Variants in C12orf42 observed in about 807,000 individuals in gnomAD.
C12orf42 encodes uncharacterized protein C12orf42.
In C12orf42, 25 loss-of-function variants were observed where a neutral mutation model predicts 21.6. The ratio of observed to expected loss-of-function variants is 1.16; its 90% CI spans 0.84 to 1.62. C12orf42 has a LOEUF of 1.62. Ranked by LOEUF, C12orf42 falls within the 40% of genes most tolerant of loss-of-function variation. The pLI is 0.00. For synonymous variants in C12orf42, 174 were observed against 175.0 expected (o/e 0.99, Z 0.05); for missense variants, 483 against 459.3 (o/e 1.05, Z -0.47).
chr12:103,172,738 A>G, the C12orf42 span, among the ~76,000 whole-genome samples: 4 of 152,160 alleles, frequency 2.6e-5, no homozygotes, highest in Non-Finnish European at 5.9e-5. Context: ...AATATTTCCA[A>G]CAGTTTCAGA....
At chr12:103,438,578 T>C (rs1170290330) in intron 2 of C12orf42, among the ~76,000 whole-genome samples, 1 of 152,056 alleles carries the variant, frequency 6.6e-6, no homozygotes, top group East Asian at 1.9e-4. Flanking sequence ...ACAAAATCAA[T>C]GTACAAAAAT....
chr12:103,391,454 A>C (rs138183877), intron 3 of C12orf42, among the ~76,000 whole-genome samples: 89 of 152,248 alleles, frequency 5.8e-4, no homozygotes, highest in African/African-American at 1.9e-3. Flanking sequence ...TTTAAATAAC[A>C]ACCATTATGA....
At chr12:103,496,249 G>T (rs1409974462), upstream of C12orf42, among the ~76,000 whole-genome samples, 1 of 152,134 alleles carries the variant, frequency 6.6e-6, no homozygotes, top group Non-Finnish European at 1.5e-5. Context: ...GGGTACTTCT[G>T]GAGGTAGTAA....
At chr12:103,134,617 G>A in the C12orf42 span, among the ~76,000 whole-genome samples, 61 of 152,142 alleles carry the variant, frequency 4.0e-4, 1 homozygote, top group Middle Eastern at 3.4e-3. Flanking sequence ...TAAGACATAT[G>A]AGACACCATA....
chr12:103,402,022 A>T (rs537815211), intron 2 of C12orf42, among the ~76,000 whole-genome samples: 1 of 152,208 alleles, frequency 6.6e-6, no homozygotes, highest in African/African-American at 2.4e-5. Context: ...AGAATTAAAC[A>T]TTTACACCCT....
chr12:103,200,861 A>G, the C12orf42 span, among the ~76,000 whole-genome samples: 1 of 152,212 alleles, frequency 6.6e-6, no homozygotes, highest in Non-Finnish European at 1.5e-5. Context: ...TTATTCATCA[A>G]AATAGGAACA....
At chr12:103,413,388 G>A (rs2049012695) in intron 2 of C12orf42, among the ~76,000 whole-genome samples, 1 of 152,116 alleles carries the variant, frequency 6.6e-6, no homozygotes, top group Non-Finnish European at 1.5e-5. Flanking sequence ...ATAGTGTGAT[G>A]CCTCCAGCTT....
intron 4 of C12orf42, among the ~76,000 whole-genome samples, chr12:103,360,024 T>A (rs1011872979): frequency 6.6e-6 from 1 of 151,398 alleles, no homozygotes; most frequent in African/African-American, 2.4e-5. Context: ...CTTGTTGTTT[T>A]TTACTTAGAT....
At chr12:103,389,331 T>C (rs2046879094) in intron 3 of C12orf42, among the ~76,000 whole-genome samples, 1 of 152,218 alleles carries the variant, frequency 6.6e-6, no homozygotes, top group Non-Finnish European at 1.5e-5. Flanking sequence ...AAAATATCAT[T>C]AAAGAGTCAG....
the C12orf42 span, among the ~76,000 whole-genome samples, chr12:103,146,584 G>GAAAGAAAT: frequency 6.7e-6 from 1 of 148,492 alleles, no homozygotes; most frequent in Non-Finnish European, 1.5e-5. Context: ...AAGAAAGAAA[G>GAAAGAAAT]AAAGAAAGAA....
chr12:103,094,146 G>A, the C12orf42 span, among the ~76,000 whole-genome samples: 1 of 152,088 alleles, frequency 6.6e-6, no homozygotes, highest in African/African-American at 2.4e-5. Context: ...GCCTATATCA[G>A]GTTTTTATGA....
At chr12:103,319,977 A>G (rs894955943) in intron 4 of C12orf42, among the ~76,000 whole-genome samples, 1 of 152,212 alleles carries the variant, frequency 6.6e-6, no homozygotes, top group Non-Finnish European at 1.5e-5. Flanking sequence ...CAAGGCCAAC[A>G]AAAGGGAGGT....
chr12:103,241,517 C>G (rs1314027288), intron 10 of C12orf42, among the ~76,000 whole-genome samples: 1 of 152,148 alleles, frequency 6.6e-6, no homozygotes, highest in Admixed American at 6.6e-5. Context: ...AGAAACAGCA[C>G]TGCAACATGA....
the C12orf42 span, among the ~76,000 whole-genome samples, chr12:103,062,464 T>A: frequency 6.6e-6 from 1 of 152,022 alleles, no homozygotes; most frequent in Non-Finnish European, 1.5e-5. Context: ...GATACCATTT[T>A]ATTTTCTTCT....
chr12:103,340,235 T>A (rs796492393), intron 4 of C12orf42, among the ~76,000 whole-genome samples: 4 of 152,328 alleles, frequency 2.6e-5, no homozygotes, highest in African/African-American at 9.6e-5. Flanking sequence ...CCCCCTCAAG[T>A]ATTCAGCAGA....
At chr12:103,079,288 A>G in the C12orf42 span, among the ~76,000 whole-genome samples, 2 of 152,308 alleles carry the variant, frequency 1.3e-5, no homozygotes, top group East Asian at 1.9e-4. Flanking sequence ...AACAGAGTCA[A>G]GCTTTGGTGA....
At position 103,482,172 on chromosome 12, in the gene C12orf42, A is replaced by G. The variant is rs145087619; in HGVS notation, c.-21-3725T>C. On this transcript the variant is annotated intron_variant, in intron 1 of 5. Coordinates refer to ENST00000548883, the MANE Select transcript of C12orf42 (RefSeq NM_198521.5). ...ATGTTTCATAATCAGCCTTTTTTGCATCTCAAATCTGTCTGGGATTACATT... is the reference window on the plus strand; with the variant it reads ...ATGTTTCATAATCAGCCTTTTTTGCGTCTCAAATCTGTCTGGGATTACATT... Among the ~76,000 whole-genome samples, 353 of 152,126 alleles carry G rather than the reference A, an allele frequency of 2.3e-3. 1 individual carries two copies. The highest frequency in any genetic ancestry group is 7.7e-3 in the African/African-American group (320 of 41,530).
the C12orf42 span, among the ~76,000 whole-genome samples, chr12:103,540,173 A>C: frequency 4.0e-5 from 6 of 151,608 alleles, no homozygotes; most frequent in South Asian, 1.3e-3. Context: ...ATGCTCAGCT[A>C]ATTTTTGTAT....
At chr12:103,368,771 C>A in intron 4 of C12orf42, 116 bp downstream of exon 4, 2 of 570,254 alleles carry the variant, frequency 3.5e-6, no homozygotes, top group Middle Eastern at 4.6e-4. Context: ...TCTTTTGTTG[C>A]CATTTTGAAA....
Sources: gnomAD v4.1 joint callset for allele counts (sites outside exome capture counted in the v4.1 genomes callset) on GRCh38, gnomAD v4.1.1 for gene constraint, MANE v1.5 for transcripts, NCBI Gene and HGNC (gene_info 2026-07-23, HGNC 2026-07-21) for gene names.